The following HP1BP3 variants were observed in gnomAD, a reference collection of about 807,000 sequenced individuals.
HP1BP3 encodes the protein heterochromatin protein 1 binding protein 3.
A neutral mutation model predicts 62.5 loss-of-function variants in HP1BP3; 12 were observed. That is an observed-to-expected ratio of 0.19 (90% confidence interval 0.12 to 0.31). The LOEUF is 0.31. HP1BP3 is among the 10% of genes least tolerant of loss of function. The pLI is 1.00. For missense variants in HP1BP3, 502 were observed against 651.8 expected, an observed-to-expected ratio of 0.77 and a Z score of 2.50; for synonymous variants, 260 against 237.8, an observed-to-expected ratio of 1.09 and a Z score of -0.86.
chr1:20,768,303 G>T (rs774882659), intron 6 of HP1BP3, among the ~76,000 whole-genome samples: 1 of 152,032 alleles, frequency 6.6e-6, no homozygotes, highest in African/African-American at 2.4e-5. Context: ...AAAATTAGCC[G>T]GGCGTGGTGG....
intron 8 of HP1BP3, among the ~76,000 whole-genome samples, chr1:20,759,828 T>C (rs189933202): frequency 1.3e-5 from 2 of 151,396 alleles, no homozygotes; most frequent in Non-Finnish European, 2.9e-5. Context: ...AGGAGTAGCT[T>C]AGGTCAGAGA....
chr1:20,750,965 C>T (rs909593256), intron 9 of HP1BP3, among the ~76,000 whole-genome samples: 1 of 151,612 alleles, frequency 6.6e-6, no homozygotes, highest in African/African-American at 2.4e-5. Context: ...TTACAGGCGC[C>T]CACCACCAGG....
intron 9 of HP1BP3, among the ~76,000 whole-genome samples, chr1:20,752,166 G>A (rs1173928064): frequency 6.6e-6 from 1 of 151,962 alleles, no homozygotes; most frequent in Non-Finnish European, 1.5e-5. Context: ...CAAGGCTGGG[G>A]CAGGAGAATC....
At chr1:20,748,417 T>C (rs1368059395) in intron 10 of HP1BP3, among the ~76,000 whole-genome samples, 1 of 152,212 alleles carries the variant, frequency 6.6e-6, no homozygotes, top group Admixed American at 6.5e-5. Context: ...ACTGAAAGGC[T>C]TGTTAACCAA....
At chr1:20,779,964 CTCTT>C (rs1367257739) in intron 2 of HP1BP3, 53 bp from the exon 3 acceptor site, 2 of 1,435,908 alleles carry the variant, frequency 1.4e-6, no homozygotes, top group Admixed American at 3.8e-5. Context: ...TCTCTTTTCT[CTCTT>C]TCTCAAAGGG....
chr1:20,779,495 A>G lies in HP1BP3; in HGVS notation c.196+317T>C, dbSNP rs545848396. 5.3e-5 allele frequency among the ~76,000 whole-genome samples: 8 copies of G among 152,180 alleles called. No homozygotes were observed. The South Asian group carries it at 1.0e-3, about 20-fold the overall frequency. On this transcript the variant is annotated intron_variant, in intron 3 of 12. Coordinates refer to ENST00000438032, the MANE Select transcript of HP1BP3 (RefSeq NM_001372052.1). Reference sequence around the variant, plus strand: ...AGGCCCACGTTTTCCATTCTCCCACACTGCACTGATCCCCATGACACTTTA... The same window carrying G: ...AGGCCCACGTTTTCCATTCTCCCACGCTGCACTGATCCCCATGACACTTTA...
intron 1 of HP1BP3, among the ~76,000 whole-genome samples, chr1:20,781,908 G>A (rs2057569169): frequency 6.6e-6 from 1 of 152,176 alleles, no homozygotes; most frequent in Non-Finnish European, 1.5e-5. Flanking sequence ...TGGCAGGCGT[G>A]ACCCACCGCA....
chr1:20,764,423 G>A (rs1227469578), intron 8 of HP1BP3, among the ~76,000 whole-genome samples: 5 of 151,020 alleles, frequency 3.3e-5, no homozygotes, highest in Non-Finnish European at 7.4e-5. Context: ...GGCTCACTGC[G>A]AACTCCACCT....
At chr1:20,776,205 A>G (rs2057298534) in intron 4 of HP1BP3, 1 of 479,850 alleles carries the variant, frequency 2.1e-6, no homozygotes, top group Non-Finnish European at 3.6e-6. Flanking sequence ...TAAGCACACA[A>G]AAACAACCCA....
rs2057464536 is a variant in HP1BP3, at chr1:20,779,861, C to T, written c.147G>A (p.Arg49=). 6.2e-7 allele frequency: 1 copy of T among 1,613,416 alleles called. No individual in the cohort carries two copies. The highest frequency in any genetic ancestry group is 1.3e-5 in the African/African-American group (1 of 74,898). Residue 49 remains arginine (R), a synonymous_variant, in exon 3 of 13, where the codon CGG becomes CGA. Coordinates refer to ENST00000438032, the MANE Select transcript of HP1BP3 (RefSeq NM_001372052.1). ...CAAGCTTGCTTTTGGGAGGAGTTTC[C>T]CGGGTAGAATTCACAGTTCGACGAA... The part of the protein sequence containing the change: ...MPIRRTVNST[R]ETPPKSKLAE...
intron 6 of HP1BP3, among the ~76,000 whole-genome samples, chr1:20,768,194 C>T (rs1449089211): frequency 6.6e-6 from 1 of 152,200 alleles, no homozygotes; most frequent in Non-Finnish European, 1.5e-5. Flanking sequence ...TGCCTGTAAT[C>T]CCAGCACTTT....
intron 8 of HP1BP3, among the ~76,000 whole-genome samples, chr1:20,761,490 A>G (rs1323601755): frequency 2.0e-5 from 3 of 151,652 alleles, no homozygotes; most frequent in Non-Finnish European, 4.4e-5. Context: ...AAATGAAGAT[A>G]ATGTGGGAAA....
In HP1BP3 at chr1:20,747,398, G is replaced by A. The variant is rs945851895; in HGVS notation, c.1253+146C>T. The A allele has an allele frequency of 1.0e-5, 6 of 574,846 alleles. No individual in the cohort carries two copies. In the Admixed American group the frequency reaches 1.8e-4, roughly 17 times the overall value. 35.6% of individuals were successfully genotyped at this position (574,846 alleles called of 1,614,324 possible). ...AGTACATGCGCATTTGGGTATGCGG[G>A]CAGTTCTGTAACCAATCCCCTATAT... On this transcript the variant is annotated intron_variant, in intron 11 of 12. Coordinates refer to ENST00000438032, the MANE Select transcript of HP1BP3 (RefSeq NM_001372052.1).
chr1:20,745,131 AAG>A (rs1467335783), intron 12 of HP1BP3, 40 bp from the exon 13 acceptor site: 1 of 1,550,270 alleles, frequency 6.5e-7, no homozygotes, highest in African/African-American at 1.4e-5. Context: ...TTTAGTACTT[AAG>A]AGATTCGTTT....
chr1:20,759,848 G>A (rs537805689), intron 8 of HP1BP3, among the ~76,000 whole-genome samples: 50 of 151,246 alleles, frequency 3.3e-4, no homozygotes, highest in East Asian at 2.3e-3. Flanking sequence ...ATACAAGTGA[G>A]TGTAGTGCCT....
At chr1:20,777,381 T>C (rs1057024911) in intron 3 of HP1BP3, among the ~76,000 whole-genome samples, 11 of 152,238 alleles carry the variant, frequency 7.2e-5, no homozygotes, top group African/African-American at 2.6e-4. Context: ...AATTTGATCA[T>C]TTAAATTATG....
chr1:20,770,870 A>C, intron 6 of HP1BP3, 60 bp downstream of exon 6: 1 of 1,282,448 alleles, frequency 7.8e-7, no homozygotes, highest in Non-Finnish European at 1.1e-6. Flanking sequence ...AATGTTACTA[A>C]CTGTAGACTT....
Position 20,776,689 on chromosome 1 carries a change from T to TG in HP1BP3, c.257dup (p.Pro87ThrfsTer6). 1 of 1,613,920 alleles carries TG rather than the reference T, an allele frequency of 6.2e-7. No homozygotes were observed. Among genetic ancestry groups the TG allele is most frequent in the Non-Finnish European group, 8.5e-7 (1 of 1,179,846 alleles). ...GCTCTGCCTCACTCGAAGTAGCAGG[T>TG]GGAGTTTCATTCTCTTGTTCTTCTA... On this transcript the variant is annotated frameshift_variant, in exon 4 of 13. Transcript: ENST00000438032. LOFTEE classifies it high-confidence loss of function.
In HP1BP3 at chr1:20,745,532, C is replaced by T. The variant is rs747822673; in HGVS notation, c.1367+11G>A. On this transcript the variant is annotated intron_variant, in intron 12 of 12. Transcript: ENST00000438032. ...GTGTCCTCCCCACAAGGGGTTTTCA[C>T]ATGTCCACACCTTCTCTTAGGTGGC... The T allele has an allele frequency of 8.7e-6, 14 of 1,613,408 alleles. No individual in the cohort carries two copies. The highest frequency in any genetic ancestry group is 1.7e-5 in the Admixed American group (1 of 59,834).
Sources: allele counts gnomAD v4.1 joint callset (sites outside exome capture counted in the v4.1 genomes callset), GRCh38; gene constraint gnomAD v4.1.1; transcripts MANE v1.5; gene names NCBI Gene and HGNC (gene_info 2026-07-23, HGNC 2026-07-21).